Variants in CALN1 observed in about 807,000 individuals in gnomAD.
The protein encoded by CALN1 is calneuron 1.
CALN1 carries 17 observed loss-of-function variants against 30.6 expected under a neutral mutation model. The ratio of observed to expected loss-of-function variants is 0.56; its 90% CI spans 0.38 to 0.83. CALN1 has a LOEUF of 0.83. Among genes scored for constraint, CALN1 ranks in the 40% least tolerant of loss-of-function variants. The pLI, the probability that CALN1 is intolerant of heterozygous loss-of-function variation, is 0.00. For synonymous variants in CALN1, 156 were observed against 131.4 expected (o/e 1.19, Z -1.28); for missense variants, 291 against 354.9 (o/e 0.82, Z 1.45).
rs530066345 is a variant in CALN1 at position 71,785,631 on chromosome 7, A to G, written c.*2144T>C. On this transcript the variant is annotated 3_prime_UTR_variant, in exon 7 of 7. Transcript: ENST00000395275. ...GGTTCGGGGGTCAGGGAAAAACAGG[A>G]AAGTATATCCCTTCAAGATCTGCTA... 1 of 152,336 alleles carries G rather than the reference A, an allele frequency of 6.6e-6. No homozygotes were observed. The highest frequency in any genetic ancestry group is 1.9e-4 in the East Asian group (1 of 5,172). 9.4% of individuals were successfully genotyped at this position (152,336 alleles called of 1,614,324 possible).
chr7:72,099,421 A>T (rs1031645583), intron 4 of CALN1, among the ~76,000 whole-genome samples: 1 of 151,938 alleles, frequency 6.6e-6, no homozygotes, highest in African/African-American at 2.4e-5. Context: ...GAGGATTCCC[A>T]GTTACAGAAG....
intron 6 of CALN1, among the ~76,000 whole-genome samples, chr7:71,802,830 C>T (rs1432158984): frequency 6.6e-6 from 1 of 152,082 alleles, no homozygotes; most frequent in Non-Finnish European, 1.5e-5. Flanking sequence ...GGAGACCAGC[C>T]TGGCCAACAT....
rs559910810 is a variant in CALN1 at position 71,960,456 on chromosome 7, T to C, written c.501+63201A>G. On this transcript the variant is annotated intron_variant, in intron 5 of 6. Coordinates refer to ENST00000395275, the MANE Select transcript of CALN1 (RefSeq NM_031468.4). ...ACTTTCTGTTTCTGAGCTATTTCAC[T>C]GAGGATAGTAGCTTCCACTTCCATC... Among the ~76,000 whole-genome samples, 4 of 152,322 alleles carry C rather than the reference T, an allele frequency of 2.6e-5. No individual in the cohort carries two copies. The East Asian group carries it at 5.8e-4, about 22-fold the overall frequency.
intron 1 of CALN1, among the ~76,000 whole-genome samples, chr7:72,405,802 T>C (rs545709309): frequency 2.6e-5 from 4 of 152,172 alleles, no homozygotes; most frequent in Non-Finnish European, 5.9e-5. Flanking sequence ...TGATTGGTGG[T>C]AAATGCATAT....
At chr7:71,941,209 G>GT (rs963640484) in intron 5 of CALN1, among the ~76,000 whole-genome samples, 3 of 150,586 alleles carry the variant, frequency 2.0e-5, no homozygotes, top group African/African-American at 7.3e-5. Flanking sequence ...AATTAGCTGG[G>GT]TGTGGTGGCA....
At chr7:71,811,242 C>T (rs1268594348) in intron 5 of CALN1, among the ~76,000 whole-genome samples, 3 of 152,014 alleles carry the variant, frequency 2.0e-5, no homozygotes, top group African/African-American at 7.2e-5. Flanking sequence ...GGGTCTTGCC[C>T]TATCATCCAG....
intron 5 of CALN1, among the ~76,000 whole-genome samples, chr7:71,851,725 G>C (rs575896685): frequency 6.6e-6 from 1 of 152,020 alleles, no homozygotes; most frequent in Non-Finnish European, 1.5e-5. Context: ...AAGTAAGAGA[G>C]AGGCTTTGCA....
At chr7:72,096,781 C>G (rs930833230) in intron 4 of CALN1, among the ~76,000 whole-genome samples, 1 of 152,166 alleles carries the variant, frequency 6.6e-6, no homozygotes, top group African/African-American at 2.4e-5. Context: ...ACCAGAAATA[C>G]CATTTGACCC....
At chr7:72,193,968 A>C (rs1790808647) in intron 3 of CALN1, among the ~76,000 whole-genome samples, 2 of 151,528 alleles carry the variant, frequency 1.3e-5, no homozygotes. Context: ...AAAGGGTGGG[A>C]GGGGGTGAGA....
At chr7:72,060,027 C>T (rs2129536900) in intron 4 of CALN1, among the ~76,000 whole-genome samples, 1 of 152,166 alleles carries the variant, frequency 6.6e-6, no homozygotes, top group East Asian at 1.9e-4. Context: ...CCTCGAGTAC[C>T]CCCAGCTAGA....
At chr7:72,473,118 TG>T in the CALN1 span, among the ~76,000 whole-genome samples, 3 of 150,124 alleles carry the variant, frequency 2.0e-5, no homozygotes, top group Non-Finnish European at 2.9e-5. Context: ...CTGTTCTTTT[TG>T]TTTTTTTTTT....
chr7:71,828,436 C>G (rs1015431703), intron 5 of CALN1, among the ~76,000 whole-genome samples: 2 of 151,928 alleles, frequency 1.3e-5, no homozygotes, highest in Non-Finnish European at 2.9e-5. Context: ...GCGGATAGAC[C>G]CTGTGAAAGG....
intron 4 of CALN1, among the ~76,000 whole-genome samples, chr7:72,089,973 T>C (rs140428209): frequency 6.6e-6 from 1 of 152,142 alleles, no homozygotes; most frequent in Non-Finnish European, 1.5e-5. Context: ...CAGAGAAAAA[T>C]CTTAGCAAAT....
chr7:72,294,580 T>C (rs1270638192), intron 2 of CALN1, among the ~76,000 whole-genome samples: 2 of 151,870 alleles, frequency 1.3e-5, no homozygotes, highest in Non-Finnish European at 2.9e-5. Context: ...CGAAACCTCA[T>C]CTCTATGAAA....
intron 5 of CALN1, among the ~76,000 whole-genome samples, chr7:71,966,207 T>C (rs1282037735): frequency 2.0e-5 from 3 of 152,212 alleles, no homozygotes; most frequent in East Asian, 3.8e-4. Flanking sequence ...CAAGCAGCCA[T>C]GGACAATACA....
chr7:72,045,548 A>G (rs1802412852), intron 4 of CALN1, among the ~76,000 whole-genome samples: 1 of 151,940 alleles, frequency 6.6e-6, no homozygotes, highest in Admixed American at 6.6e-5. Flanking sequence ...CTTTTTTTGG[A>G]GACAGGGTCT....
intron 5 of CALN1, among the ~76,000 whole-genome samples, chr7:71,924,242 TAAAAAAGA>T (rs1795140215): frequency 1.6e-5 from 1 of 62,216 alleles, no homozygotes; most frequent in Non-Finnish European, 4.2e-5. Flanking sequence ...CAGATCTTTT[TAAAAAAGA>T]TTAGGATTTC....
At chr7:72,207,865 A>T (rs1792006196) in intron 3 of CALN1, among the ~76,000 whole-genome samples, 1 of 152,194 alleles carries the variant, frequency 6.6e-6, no homozygotes, top group Non-Finnish European at 1.5e-5. Context: ...ATAGTAAAAA[A>T]GTGCATTTTA....
chr7:71,994,286 C>A (rs1309692676), intron 5 of CALN1, among the ~76,000 whole-genome samples: 2 of 151,992 alleles, frequency 1.3e-5, no homozygotes, highest in African/African-American at 4.8e-5. Flanking sequence ...CTGAGGCAGG[C>A]GGATCACCTG....
Sources: allele counts gnomAD v4.1 joint callset (sites outside exome capture counted in the v4.1 genomes callset), GRCh38; gene constraint gnomAD v4.1.1; transcripts MANE v1.5; gene names NCBI Gene and HGNC (gene_info 2026-07-23, HGNC 2026-07-21).